MYO1D: variants seen among roughly 807,000 people sequenced by gnomAD.
MYO1D encodes the protein unconventional myosin-Id.
A neutral mutation model predicts 122.0 loss-of-function variants in MYO1D; 83 were observed. The observed-to-expected ratio is 0.68, with a 90% CI of 0.57 to 0.82. MYO1D has a LOEUF of 0.82. Ranked by LOEUF, MYO1D falls within the 40% of genes least tolerant of loss-of-function variation. The probability of loss-of-function intolerance (pLI) is 0.00; values close to 1 mark genes in which losing one functional copy is unlikely to be tolerated. For synonymous variants in MYO1D, 464 were observed against 446.9 expected (o/e 1.04, Z -0.48); for missense variants, 1,157 against 1,269.5 (o/e 0.91, Z 1.35).
At chr17:32,750,554 G>A (rs957688533) in intron 11 of MYO1D, among the ~76,000 whole-genome samples, 1 of 152,150 alleles carries the variant, frequency 6.6e-6, no homozygotes, top group African/African-American at 2.4e-5. Context: ...GGCAGAGCTT[G>A]TAGTGAGCCG....
chr17:32,808,570 C>T (rs1210862148), intron 1 of MYO1D, among the ~76,000 whole-genome samples: 2 of 152,066 alleles, frequency 1.3e-5, no homozygotes, highest in African/African-American at 4.8e-5. Flanking sequence ...TTGTGTCCCA[C>T]CCCCTGCCAC....
chr17:32,555,568 T>C (rs189954314), intron 21 of MYO1D, among the ~76,000 whole-genome samples: 1 of 152,324 alleles, frequency 6.6e-6, no homozygotes, highest in Non-Finnish European at 1.5e-5. Context: ...CTGCCTGTTG[T>C]CTGTTGCATA....
At chr17:32,753,042 GGATA>G (rs1002405507) in intron 11 of MYO1D, among the ~76,000 whole-genome samples, 4 of 152,122 alleles carry the variant, frequency 2.6e-5, no homozygotes, top group African/African-American at 4.8e-5. Context: ...ACAAATGATT[GGATA>G]GAAAGAAAAT....
rs549210859 is a variant in MYO1D at position 32,560,771 on chromosome 17, C to A, written c.2864+44316G>T. On this transcript the variant is annotated intron_variant, in intron 21 of 21. Coordinates refer to ENST00000318217, the MANE Select transcript of MYO1D (RefSeq NM_015194.3). ...AGTAGCTGGGATTACAGGCGTGTGCCGTCATTCCTAGTTAATTTTTGTATT... is the reference window on the plus strand; with the variant it reads ...AGTAGCTGGGATTACAGGCGTGTGCAGTCATTCCTAGTTAATTTTTGTATT... Among the ~76,000 whole-genome samples the A allele has an allele frequency of 6.6e-4, 100 of 150,674 alleles. 1 individual carries two copies. In the South Asian group the frequency reaches 0.019, roughly 29 times the overall value.
chr17:32,601,365 G>A (rs2087560550), intron 21 of MYO1D, among the ~76,000 whole-genome samples: 1 of 152,154 alleles, frequency 6.6e-6, no homozygotes, highest in South Asian at 2.1e-4. Context: ...AGGGGAGCCT[G>A]AGGAGAGGAA....
chr17:32,628,018 T>C (rs1234637337), intron 20 of MYO1D, among the ~76,000 whole-genome samples: 1 of 152,196 alleles, frequency 6.6e-6, no homozygotes, highest in African/African-American at 2.4e-5. Context: ...TGATCTCTAG[T>C]ATGATTTTCA....
At chr17:32,673,966 A>C (rs1442110071) in intron 16 of MYO1D, among the ~76,000 whole-genome samples, 2 of 152,234 alleles carry the variant, frequency 1.3e-5, no homozygotes, top group African/African-American at 4.8e-5. Flanking sequence ...AGAATGGGAA[A>C]CATCTATGAT....
chr17:32,825,687 GCTTC>G (rs1396785019), intron 1 of MYO1D, among the ~76,000 whole-genome samples: 1 of 152,140 alleles, frequency 6.6e-6, no homozygotes, highest in African/African-American at 2.4e-5. Context: ...GTCGAATGCT[GCTTC>G]CTTAACAGAA....
chr17:32,805,796 C>G (rs1252725006), intron 1 of MYO1D, among the ~76,000 whole-genome samples: 2 of 152,084 alleles, frequency 1.3e-5, no homozygotes, highest in Non-Finnish European at 2.9e-5. Context: ...TCTGGAAGAG[C>G]TTTTTCAAAG....
rs567521551 is a variant in MYO1D, at chr17:32,737,712, C to T, written c.1746+541G>A. ...CCAGGCTGGTCTCAAGTGATCCTCC[C>T]GCCTTGGCCTCCCAAAGTGCTGGGA... On this transcript the variant is annotated intron_variant, in intron 14 of 21. Transcript: ENST00000318217. Among the ~76,000 whole-genome samples, 315 of 152,298 alleles carry T rather than the reference C, an allele frequency of 2.1e-3. 3 individuals are homozygous for T. Among genetic ancestry groups the T allele is most frequent in the African/African-American group, 7.4e-3 (306 of 41,566 alleles).
intron 19 of MYO1D, among the ~76,000 whole-genome samples, chr17:32,645,008 C>T (rs530304210): frequency 6.6e-6 from 1 of 152,146 alleles, no homozygotes; most frequent in Non-Finnish European, 1.5e-5. Context: ...TTCCTAGCAT[C>T]GATGGCTTTT....
intron 21 of MYO1D, among the ~76,000 whole-genome samples, chr17:32,545,357 C>G (rs2086957298): frequency 6.6e-6 from 1 of 152,176 alleles, no homozygotes; most frequent in South Asian, 2.1e-4. Context: ...AGTGGCAGCA[C>G]CCAGGAAACA....
chr17:32,554,328 C>A (rs1251784533), intron 21 of MYO1D, among the ~76,000 whole-genome samples: 1 of 152,158 alleles, frequency 6.6e-6, no homozygotes, highest in Non-Finnish European at 1.5e-5. Flanking sequence ...CTGCCATGGC[C>A]AGATCCCTCT....
At chr17:32,791,493 T>C (rs2090350301) in intron 1 of MYO1D, among the ~76,000 whole-genome samples, 1 of 152,120 alleles carries the variant, frequency 6.6e-6, no homozygotes, top group African/African-American at 2.4e-5. Context: ...ATTGTGGTTA[T>C]GTAAGAGAAG....
intron 21 of MYO1D, among the ~76,000 whole-genome samples, chr17:32,536,371 C>A (rs1009235013): frequency 1.4e-4 from 22 of 152,068 alleles, no homozygotes; most frequent in African/African-American, 5.3e-4. Flanking sequence ...TTTTCTAGGT[C>A]TAAAAAAGGA....
intron 1 of MYO1D, among the ~76,000 whole-genome samples, chr17:32,874,959 A>G (rs2091216079): frequency 6.6e-6 from 1 of 152,160 alleles, no homozygotes; most frequent in South Asian, 2.1e-4. Context: ...TTTTAATTCT[A>G]TTACAGAGGA....
intron 13 of MYO1D, among the ~76,000 whole-genome samples, chr17:32,743,594 C>CATTATT (rs746402773): frequency 6.6e-6 from 1 of 151,368 alleles, no homozygotes; most frequent in African/African-American, 2.4e-5. Context: ...CCTCAGCCTG[C>CATTATT]ATTATTATTA....
chr17:32,859,565 GA>G (rs1009313162), intron 1 of MYO1D, among the ~76,000 whole-genome samples: 9 of 152,182 alleles, frequency 5.9e-5, no homozygotes, highest in African/African-American at 2.2e-4. Flanking sequence ...GGAAGAAAAG[GA>G]GCAGAAAGAT....
At chr17:32,802,938 C>G (rs2090472619) in intron 1 of MYO1D, among the ~76,000 whole-genome samples, 1 of 152,010 alleles carries the variant, frequency 6.6e-6, no homozygotes, top group Non-Finnish European at 1.5e-5. Context: ...GATTTGGTGG[C>G]CAAATCGCAC....
Sources: gnomAD v4.1 joint callset for allele counts (sites outside exome capture counted in the v4.1 genomes callset) on GRCh38, gnomAD v4.1.1 for gene constraint, MANE v1.5 for transcripts, NCBI Gene and HGNC (gene_info 2026-07-23, HGNC 2026-07-21) for gene names.